The following PRKAR2A variants were observed in gnomAD, a reference collection of about 807,000 sequenced individuals.
The protein encoded by PRKAR2A is protein kinase cAMP-dependent type II regulatory subunit alpha.
Under a neutral mutation model 51.9 loss-of-function variants are expected in PRKAR2A, and 29 were observed. The observed-to-expected ratio is 0.56, with a 90% CI of 0.42 to 0.76. The LOEUF is 0.76. PRKAR2A is among the 30% of genes least tolerant of loss of function. The pLI, the probability that PRKAR2A is intolerant of heterozygous loss-of-function variation, is 0.00. For synonymous variants in PRKAR2A, 178 were observed against 186.2 expected (o/e 0.96, Z 0.36); for missense variants, 445 against 512.1 (o/e 0.87, Z 1.26).
At chr3:48,834,782 C>T (rs999184758) in intron 1 of PRKAR2A, among the ~76,000 whole-genome samples, 2 of 148,610 alleles carry the variant, frequency 1.3e-5, no homozygotes, top group African/African-American at 4.9e-5. Context: ...GAAATATTTG[C>T]AAATCACTTA....
chr3:48,769,156 T>TC (rs1369813333), intron 6 of PRKAR2A, among the ~76,000 whole-genome samples: 1 of 60,296 alleles, frequency 1.7e-5, no homozygotes, highest in Non-Finnish European at 2.9e-5. Context: ...CAAATATCTT[T>TC]CTTTTTTTTT....
intron 1 of PRKAR2A, among the ~76,000 whole-genome samples, chr3:48,829,867 A>AT (rs1289613420): frequency 5.0e-5 from 4 of 79,624 alleles, no homozygotes; most frequent in African/African-American, 2.4e-4. Context: ...ATATATATAT[A>AT]TATATTTTTT....
At chr3:48,776,651 G>A (rs1178215623) in intron 5 of PRKAR2A, among the ~76,000 whole-genome samples, 1 of 152,018 alleles carries the variant, frequency 6.6e-6, no homozygotes, top group African/African-American at 2.4e-5. Flanking sequence ...GACCAGCCTG[G>A]CCAACATGGT....
chr3:48,787,847 T>C (rs985451926), intron 4 of PRKAR2A, among the ~76,000 whole-genome samples: 5 of 152,128 alleles, frequency 3.3e-5, no homozygotes. Flanking sequence ...TGTAAGCTCA[T>C]ATCTGACCAG....
rs1461880007 is a variant in PRKAR2A, at chr3:48,750,024, A to ATTTG, written c.*1557_*1560dup. On this transcript the variant is annotated 3_prime_UTR_variant, in exon 11 of 11. Coordinates refer to ENST00000265563, the MANE Select transcript of PRKAR2A (RefSeq NM_004157.4). Reference sequence around the variant, plus strand: ...ATCCTTCCACCTCAGCCTCCTAAGTATTTGGGACTACATGCATGCATCACC... The same window carrying ATTTG: ...ATCCTTCCACCTCAGCCTCCTAAGTATTTGTTTGGGACTACATGCATGCATCACC... The ATTTG allele has an allele frequency of 6.6e-6, 1 of 151,520 alleles. No individual in the cohort carries two copies. Among genetic ancestry groups the ATTTG allele is most frequent in the African/African-American group, 2.4e-5 (1 of 41,178 alleles). The allele number at this position is 151,520 out of a possible 1,614,324, so 9.4% of individuals were successfully genotyped here. A position where few individuals can be genotyped will look rare whatever the true frequency, so the allele number is the denominator to read the frequency against.
chr3:48,789,576 C>T (rs749008948), intron 4 of PRKAR2A, among the ~76,000 whole-genome samples: 13 of 151,288 alleles, frequency 8.6e-5, no homozygotes, highest in African/African-American at 2.7e-4. Context: ...CTGCAACTTC[C>T]GCCTCCTGGA....
At chr3:48,774,706 T>C (rs533025076) in intron 5 of PRKAR2A, among the ~76,000 whole-genome samples, 2 of 152,304 alleles carry the variant, frequency 1.3e-5, no homozygotes, top group East Asian at 3.9e-4. Context: ...GCCTATCTTA[T>C]TTACCTTAAT....
chr3:48,775,438 AAAACAAAC>A (rs536713204), intron 5 of PRKAR2A, among the ~76,000 whole-genome samples: 9 of 151,516 alleles, frequency 5.9e-5, no homozygotes, highest in East Asian at 2.0e-4. Flanking sequence ...GCTCTGTCTC[AAAACAAAC>A]AAACAAACAA....
In PRKAR2A at chr3:48,765,140, C is replaced by A. The variant is rs1023571067; in HGVS notation, c.799-62G>T. 3 of 1,556,450 alleles carry A rather than the reference C, an allele frequency of 1.9e-6. No homozygotes were observed. The African/African-American group carries it at 4.1e-5, about 21-fold the overall frequency. On this transcript the variant is annotated intron_variant, in intron 7 of 10. Coordinates refer to ENST00000265563, the MANE Select transcript of PRKAR2A (RefSeq NM_004157.4). ...TTAATTGAAAGTCACAATAGCTATG[C>A]AGCACAGAAATAGGATTAGAATAGT...
At chr3:48,761,179 G>C (rs1183243571) in intron 8 of PRKAR2A, among the ~76,000 whole-genome samples, 1 of 151,652 alleles carries the variant, frequency 6.6e-6, no homozygotes, top group Non-Finnish European at 1.5e-5. Flanking sequence ...CTACTTGGGA[G>C]GCTGAGGCAG....
At chr3:48,799,550 TG>T (rs1406691737) in intron 2 of PRKAR2A, among the ~76,000 whole-genome samples, 1 of 152,102 alleles carries the variant, frequency 6.6e-6, no homozygotes, top group Non-Finnish European at 1.5e-5. Context: ...TAGCTATAGA[TG>T]AAAAAAATAT....
At chr3:48,817,513 C>T (rs2082892408) in intron 1 of PRKAR2A, among the ~76,000 whole-genome samples, 2 of 150,492 alleles carry the variant, frequency 1.3e-5, no homozygotes, top group Admixed American at 6.6e-5. Flanking sequence ...ATTAGCCAGG[C>T]ATTTTGGCGG....
At chr3:48,796,670 G>T (rs868292324) in intron 2 of PRKAR2A, among the ~76,000 whole-genome samples, 2,634 of 136,766 alleles carry the variant, frequency 0.019, 85 homozygotes, top group African/African-American at 0.065. Context: ...TAGAGACGGG[G>T]TTTTTTTTTT....
rs1345723615 is a variant in PRKAR2A at position 48,751,034 on chromosome 3, C to T, written c.*551G>A. ...GCAGCTGTCAGCAGAAAGTACAATG[C>T]CACTGGGCTACATATGTCCATATCA... On this transcript the variant is annotated 3_prime_UTR_variant, in exon 11 of 11. Coordinates refer to ENST00000265563, the MANE Select transcript of PRKAR2A (RefSeq NM_004157.4). The T allele has an allele frequency of 6.2e-6, 2 of 325,104 alleles. No homozygotes were observed. The highest frequency in any genetic ancestry group is 1.2e-5 in the Non-Finnish European group (2 of 165,932). 20.1% of individuals were successfully genotyped at this position (325,104 alleles called of 1,614,324 possible).
intron 8 of PRKAR2A, among the ~76,000 whole-genome samples, chr3:48,761,155 G>A (rs1315135029): frequency 2.0e-5 from 3 of 151,916 alleles, no homozygotes; most frequent in Non-Finnish European, 4.4e-5. Flanking sequence ...GGTGGCGGGC[G>A]CCTGTAGTCC....
At chr3:48,760,789 C>T (rs1195868973) in intron 8 of PRKAR2A, among the ~76,000 whole-genome samples, 1 of 143,162 alleles carries the variant, frequency 7.0e-6, no homozygotes, top group African/African-American at 2.6e-5. Context: ...GAGCTGAGAT[C>T]GTGGCATTGC....
At chr3:48,811,295 C>T (rs1257996047) in intron 1 of PRKAR2A, among the ~76,000 whole-genome samples, 1 of 152,112 alleles carries the variant, frequency 6.6e-6, no homozygotes, top group Admixed American at 6.6e-5. Context: ...AATAAGACCT[C>T]GTCTCTACAA....
intron 2 of PRKAR2A, among the ~76,000 whole-genome samples, chr3:48,801,851 C>T (rs1279470782): frequency 6.6e-6 from 1 of 152,202 alleles, no homozygotes. Flanking sequence ...ATTCTCCTGC[C>T]TCAGCCTCCC....
chr3:48,847,687 G>A lies in PRKAR2A; in HGVS notation c.-91C>T. ...CGCCGGCCTTTCGCTCCGCGCCCGC[G>A]AGGTCTCTTCGCGCACGGCCCCGGC... On this transcript the variant is annotated 5_prime_UTR_variant, in exon 1 of 11. Transcript: ENST00000265563. This position sits in a 1 kb window ranked among gnomAD's most constrained non-coding sequence, Gnocchi z 4.4. 7 of 1,287,134 alleles carry A rather than the reference G, an allele frequency of 5.4e-6. No individual in the cohort carries two copies. Among genetic ancestry groups the A allele is most frequent in the Non-Finnish European group, 7.1e-6 (7 of 992,372 alleles). 79.7% of individuals were successfully genotyped at this position (1,287,134 alleles called of 1,614,324 possible).
Sources: allele counts gnomAD v4.1 joint callset (sites outside exome capture counted in the v4.1 genomes callset), GRCh38; gene constraint gnomAD v4.1.1; non-coding constraint Gnocchi (gnomAD v3.1); transcripts MANE v1.5; gene names NCBI Gene and HGNC (gene_info 2026-07-23, HGNC 2026-07-21).